Variants in RALGAPA2 observed in about 807,000 individuals in gnomAD.
RALGAPA2 encodes the protein Ral GTPase activating protein catalytic subunit alpha 2, also known as ral GTPase-activating protein subunit alpha-2.
Under a neutral mutation model 230.4 loss-of-function variants are expected in RALGAPA2, and 139 were observed. That is an observed-to-expected ratio of 0.60 (90% CI 0.53 to 0.69). RALGAPA2 has a LOEUF of 0.69. Ranked by LOEUF, RALGAPA2 falls within the 30% of genes least tolerant of loss-of-function variation. RALGAPA2 has a pLI of 0.00. For synonymous variants in RALGAPA2, 847 were observed against 837.8 expected, an observed-to-expected ratio of 1.01 and a Z score of -0.19; for missense variants, 2,163 against 2,276.0, an observed-to-expected ratio of 0.95 and a Z score of 1.01.
intron 7 of RALGAPA2, among the ~76,000 whole-genome samples, chr20:20,637,957 C>T (rs73294787): frequency 0.011 from 1,694 of 152,142 alleles, 30 homozygotes; most frequent in African/African-American, 0.039. Context: ...ACATGTAAAA[C>T]CAATATCAAA....
chr20:20,511,172 A>T, intron 33 of RALGAPA2, 82 bp downstream of exon 33: 3 of 1,526,194 alleles, frequency 2.0e-6, no homozygotes, highest in Non-Finnish European at 2.6e-6. Context: ...CAGTAAGTCT[A>T]TTCATTCCTG....
intron 1 of RALGAPA2, among the ~76,000 whole-genome samples, chr20:20,694,930 A>G (rs1039024436): frequency 6.6e-6 from 1 of 152,184 alleles, no homozygotes; most frequent in Non-Finnish European, 1.5e-5. Flanking sequence ...ATATTATCCA[A>G]ATGTTTATAA....
intron 30 of RALGAPA2, among the ~76,000 whole-genome samples, chr20:20,521,683 GC>G (rs1289796914): frequency 9.9e-5 from 15 of 152,182 alleles, no homozygotes; most frequent in African/African-American, 3.6e-4. Flanking sequence ...TACAAGCCAT[GC>G]AAACACAAAT....
At chr20:20,509,142 C>G (rs957422321) in intron 33 of RALGAPA2, among the ~76,000 whole-genome samples, 5 of 152,220 alleles carry the variant, frequency 3.3e-5, no homozygotes, top group African/African-American at 9.6e-5. Context: ...TGTGGTGAAC[C>G]CCTGAGTTCT....
chr20:20,666,976 G>A (rs1306143102), intron 3 of RALGAPA2, among the ~76,000 whole-genome samples: 1 of 152,150 alleles, frequency 6.6e-6, no homozygotes, highest in Non-Finnish European at 1.5e-5. Context: ...TCTCAGAATT[G>A]TTTGTAATCC....
At chr20:20,479,561 GT>G (rs2061727612) in intron 36 of RALGAPA2, among the ~76,000 whole-genome samples, 5 of 152,190 alleles carry the variant, frequency 3.3e-5, no homozygotes, top group Admixed American at 3.3e-4. Context: ...TTAAACAAGT[GT>G]TTAATAAAAT....
chr20:20,448,228 A>C (rs1025495948), intron 37 of RALGAPA2, among the ~76,000 whole-genome samples: 3 of 152,236 alleles, frequency 2.0e-5, no homozygotes, highest in African/African-American at 7.2e-5. Flanking sequence ...GTAGAACTCT[A>C]TCATATTTCA....
intron 37 of RALGAPA2, among the ~76,000 whole-genome samples, chr20:20,422,979 A>G (rs1288836523): frequency 6.6e-6 from 1 of 152,194 alleles, no homozygotes; most frequent in Admixed American, 6.5e-5. Flanking sequence ...GCAACTTGGA[A>G]TCTCCGAAGG....
intron 37 of RALGAPA2, among the ~76,000 whole-genome samples, chr20:20,432,842 T>G (rs972265165): frequency 2.0e-5 from 3 of 152,200 alleles, no homozygotes; most frequent in African/African-American, 7.2e-5. Context: ...CATTAAATAC[T>G]CCAACTCTGC....
intron 37 of RALGAPA2, among the ~76,000 whole-genome samples, chr20:20,419,413 C>T (rs988162281): frequency 3.9e-5 from 6 of 152,076 alleles, no homozygotes; most frequent in South Asian, 4.2e-4. Flanking sequence ...TTAGAGTTGA[C>T]GATGATCACA....
intron 35 of RALGAPA2, among the ~76,000 whole-genome samples, chr20:20,497,181 A>G (rs946230993): frequency 1.3e-5 from 2 of 152,146 alleles, no homozygotes; most frequent in African/African-American, 4.8e-5. Context: ...ATCTCTTTAT[A>G]TTTCTCCATT....
chr20:20,674,812 G>A (rs1000693323), intron 3 of RALGAPA2, among the ~76,000 whole-genome samples: 2 of 152,132 alleles, frequency 1.3e-5, no homozygotes, highest in African/African-American at 4.8e-5. Flanking sequence ...TTATTTAAGG[G>A]TACAAATATG....
intron 38 of RALGAPA2, among the ~76,000 whole-genome samples, chr20:20,397,765 T>C (rs972315140): frequency 3.9e-5 from 6 of 152,300 alleles, no homozygotes; most frequent in African/African-American, 1.4e-4. Context: ...TAGCCAAGGC[T>C]CCATGAAAGA....
At position 20,564,421 on chromosome 20, in the gene RALGAPA2, A is replaced by G. The variant is rs75593833; in HGVS notation, c.3156+7037T>C. ...CAACAGTTCAATTTTCATAACATGTATATCACTACTTATTTGGTCTTCTGC... is the reference window on the plus strand; with the variant it reads ...CAACAGTTCAATTTTCATAACATGTGTATCACTACTTATTTGGTCTTCTGC... On this transcript the variant is annotated intron_variant, in intron 23 of 39. Transcript: ENST00000202677. Among the ~76,000 whole-genome samples, 751 of 152,348 alleles carry G rather than the reference A, an allele frequency of 4.9e-3. 7 individuals carry two copies. Among genetic ancestry groups the G allele is most frequent in the African/African-American group, 0.017 (716 of 41,578 alleles).
At position 20,584,827 on chromosome 20, in the gene RALGAPA2, C is replaced by G. The variant is rs772436556; in HGVS notation, c.2530+38G>C. 5 of 1,392,230 alleles carry G rather than the reference C, an allele frequency of 3.6e-6. No homozygotes were observed. The South Asian group carries it at 5.9e-5, about 17-fold the overall frequency. 86.2% of individuals were successfully genotyped at this position (1,392,230 alleles called of 1,614,324 possible). A position where few individuals can be genotyped will look rare whatever the true frequency, so the allele number is the denominator to read the frequency against. ...GTAAAAAGAAAATAGAACATATCAA[C>G]TCTGTAGTTGGAGGAACAGACATTT... On this transcript the variant is annotated intron_variant, in intron 19 of 39. Transcript: ENST00000202677.
chr20:20,611,666 C>A (rs1048832487), intron 13 of RALGAPA2, among the ~76,000 whole-genome samples: 1 of 152,168 alleles, frequency 6.6e-6, no homozygotes, highest in African/African-American at 2.4e-5. Flanking sequence ...CAGGATAAAA[C>A]ATCATTCCAG....
At chr20:20,672,762 T>C (rs2068179225) in intron 3 of RALGAPA2, among the ~76,000 whole-genome samples, 1 of 152,114 alleles carries the variant, frequency 6.6e-6, no homozygotes, top group Non-Finnish European at 1.5e-5. Context: ...AGACAATAGC[T>C]AAGAATGTTA....
At chr20:20,476,710 T>TAAAC (rs2061658425) in intron 36 of RALGAPA2, among the ~76,000 whole-genome samples, 1 of 148,240 alleles carries the variant, frequency 6.7e-6, no homozygotes, top group Non-Finnish European at 1.5e-5. Context: ...AATAAATAAA[T>TAAAC]AAATAAATAA....
At chr20:20,635,287 C>T (rs2066819643) in intron 9 of RALGAPA2, 131 bp downstream of exon 9, 1 of 933,048 alleles carries the variant, frequency 1.1e-6, no homozygotes, top group Non-Finnish European at 1.7e-6. Flanking sequence ...ACAGGGTAGG[C>T]CAATAAAATC....
Sources: gnomAD v4.1 joint callset for allele counts (sites outside exome capture counted in the v4.1 genomes callset) on GRCh38, gnomAD v4.1.1 for gene constraint, MANE v1.5 for transcripts, NCBI Gene and HGNC (gene_info 2026-07-23, HGNC 2026-07-21) for gene names.